Variants in EXD1 observed in about 807,000 individuals in gnomAD.
EXD1 encodes the protein piRNA biogenesis protein EXD1.
A neutral mutation model predicts 49.1 loss-of-function variants in EXD1; 63 were observed. That is an observed-to-expected ratio of 1.28 (90% CI 1.05 to 1.58). The LOEUF (loss-of-function observed/expected upper bound fraction) is 1.58, where lower values mean the gene tolerates loss of function less well. EXD1 is among the 40% of genes most tolerant of loss of function. The probability of loss-of-function intolerance (pLI) is 0.00; values close to 1 mark genes in which losing one functional copy is unlikely to be tolerated. For synonymous variants in EXD1, 234 were observed against 239.2 expected, an observed-to-expected ratio of 0.98 and a Z score of 0.20; for missense variants, 748 against 666.0, an observed-to-expected ratio of 1.12 and a Z score of -1.36.
At chr15:41,230,082 C>CTT (rs1156382525) in intron 1 of EXD1, among the ~76,000 whole-genome samples, 2,054 of 122,204 alleles carry the variant, frequency 0.017, 65 homozygotes, top group African/African-American at 0.025. Flanking sequence ...TGGCTTTTAC[C>CTT]TTTTTTTTTT....
intron 2 of EXD1, among the ~76,000 whole-genome samples, chr15:41,223,210 G>A (rs191564443): frequency 1.7e-4 from 26 of 152,170 alleles, no homozygotes; most frequent in Non-Finnish European, 3.4e-4. Context: ...CTTGAGCCCA[G>A]GAGTTCAAGA....
At chr15:41,229,506 C>T (rs1373935190) in intron 1 of EXD1, among the ~76,000 whole-genome samples, 1 of 152,144 alleles carries the variant, frequency 6.6e-6, no homozygotes. Flanking sequence ...CGGTGGCTCA[C>T]GCCTGTAATC....
At chr15:41,217,736 A>G (rs2047022657) in intron 3 of EXD1, among the ~76,000 whole-genome samples, 1 of 151,998 alleles carries the variant, frequency 6.6e-6, no homozygotes, top group South Asian at 2.1e-4. Flanking sequence ...GGGTTTCACC[A>G]TTGTGGCCAG....
At chr15:41,216,853 A>C in intron 4 of EXD1, 58 bp from the exon 5 acceptor site, 1 of 1,599,650 alleles carries the variant, frequency 6.3e-7, no homozygotes. Context: ...GACACCAAAA[A>C]CAGATTTTGC....
intron 11 of EXD1, among the ~76,000 whole-genome samples, chr15:41,187,489 C>T (rs1270995509): frequency 6.6e-6 from 1 of 152,150 alleles, no homozygotes; most frequent in Non-Finnish European, 1.5e-5. Flanking sequence ...CAATCCCCCA[C>T]AGATGCTGAG....
intron 11 of EXD1, 25 bp from the exon 12 acceptor site, chr15:41,184,618 T>C: frequency 6.5e-7 from 1 of 1,543,598 alleles, no homozygotes; most frequent in Non-Finnish European, 8.7e-7. Context: ...CGAACACAAG[T>C]TTATTATAAC....
intron 7 of EXD1, among the ~76,000 whole-genome samples, chr15:41,198,775 G>A (rs779954681): frequency 1.5e-4 from 23 of 151,490 alleles, no homozygotes; most frequent in Non-Finnish European, 2.8e-4. Context: ...GTACAATCTC[G>A]GCTCACTGAA....
chr15:41,216,971 A>G, intron 4 of EXD1, 126 bp downstream of exon 4: 1 of 1,257,018 alleles, frequency 8.0e-7, no homozygotes, highest in South Asian at 1.4e-5. Context: ...AAACACCTAT[A>G]TATTTCTTCT....
At chr15:41,192,538 G>A (rs900483593) in intron 9 of EXD1, among the ~76,000 whole-genome samples, 10 of 145,630 alleles carry the variant, frequency 6.9e-5, no homozygotes, top group Admixed American at 4.9e-4. Flanking sequence ...CTCGTGATCC[G>A]CCCGCCTTGG....
At chr15:41,202,563 T>G (rs1483784578) in intron 7 of EXD1, among the ~76,000 whole-genome samples, 1 of 151,772 alleles carries the variant, frequency 6.6e-6, no homozygotes, top group African/African-American at 2.4e-5. Context: ...TAAAACTAAC[T>G]CCTGGGGGCT....
chr15:41,202,243 C>T (rs1342560036), intron 7 of EXD1, among the ~76,000 whole-genome samples: 2 of 151,702 alleles, frequency 1.3e-5, no homozygotes, highest in African/African-American at 2.4e-5. Flanking sequence ...GGCGTGATCT[C>T]GGCTCACTGC....
intron 6 of EXD1, among the ~76,000 whole-genome samples, chr15:41,213,415 G>C (rs1344271474): frequency 6.6e-6 from 1 of 151,994 alleles, no homozygotes; most frequent in Non-Finnish European, 1.5e-5. Context: ...TGGTCGGGCT[G>C]GTCTCAAACT....
intron 7 of EXD1, among the ~76,000 whole-genome samples, chr15:41,200,120 G>C (rs142424973): frequency 1.6e-4 from 25 of 151,962 alleles, no homozygotes; most frequent in African/African-American, 5.8e-4. Context: ...ATGTTGCCCA[G>C]GTTAGTCTCC....
At chr15:41,223,912 G>A (rs1466198630) in intron 2 of EXD1, among the ~76,000 whole-genome samples, 1 of 152,038 alleles carries the variant, frequency 6.6e-6, no homozygotes, top group Non-Finnish European at 1.5e-5. Flanking sequence ...TTCTACAGAT[G>A]TGGTTTTGCT....
At position 41,195,931 on chromosome 15, in the gene EXD1, A is replaced by G. The variant is rs756703355; in HGVS notation, c.639+2T>C. On this transcript the variant is annotated splice_donor_variant, in intron 8 of 11. Transcript: ENST00000458580. LOFTEE classifies it high-confidence loss of function. ...AGCACAGGAATCAGTTTATATACTT[A>G]CCTTCAAAATTCTCTTGTCTTCTAG... 2 of 1,609,692 alleles carry G rather than the reference A, an allele frequency of 1.2e-6. No homozygotes were observed. The highest frequency in any genetic ancestry group is 1.7e-6 in the Non-Finnish European group (2 of 1,177,956).
chr15:41,199,877 CAT>C lies in EXD1; in HGVS notation c.535-3842_535-3841del, dbSNP rs560208643. On this transcript the variant is annotated intron_variant, in intron 7 of 11. Coordinates refer to ENST00000458580, the MANE Select transcript of EXD1 (RefSeq NM_001286441.2). Reference sequence around the variant, plus strand: ...TCATATATATGATCTGTATATATATCATATATATATGATATATATAATATATA... The same window carrying C: ...TCATATATATGATCTGTATATATATCATATATATGATATATATAATATATA... 2.7e-3 allele frequency among the ~76,000 whole-genome samples: 375 copies of C among 141,330 alleles called. 1 individual carries two copies. The highest frequency in any genetic ancestry group is 9.2e-3 in the African/African-American group (352 of 38,186). 92.7% of individuals were successfully genotyped at this position (141,330 alleles called of 152,430 possible).
At chr15:41,193,794 G>C (rs769217742) in intron 9 of EXD1, among the ~76,000 whole-genome samples, 7 of 151,548 alleles carry the variant, frequency 4.6e-5, no homozygotes, top group Non-Finnish European at 1.0e-4. Flanking sequence ...AGAAAATTTT[G>C]TAAGAAAAGC....
chr15:41,224,674 C>T (rs7179231), intron 2 of EXD1, among the ~76,000 whole-genome samples: 44,268 of 152,044 alleles, frequency 0.29, 9,040 homozygotes, highest in African/African-American at 0.57. Context: ...TTAAGGTTGT[C>T]CTGGCTGGGC....
At position 41,189,966 on chromosome 15, in the gene EXD1, C is replaced by G. The variant is rs2046479794; in HGVS notation, c.1027G>C (p.Gly343Arg). The G allele has an allele frequency of 6.2e-7, 1 of 1,614,032 alleles. No individual in the cohort carries two copies. Among genetic ancestry groups the G allele is most frequent in the South Asian group, 1.1e-5 (1 of 91,076 alleles). The change falls in exon 11 of 12, where the codon GGG (glycine) becomes CGG (arginine). Residue 343 changes from glycine (G) to arginine (R), a missense_variant. Coordinates refer to ENST00000458580, the MANE Select transcript of EXD1 (RefSeq NM_001286441.2). Reference sequence around the variant, plus strand: ...GTGCCTCCAAGCCGGTCTGCAGACCCTTCGCGATACGTGTTTAGGTAACCA... The same window carrying G: ...GTGCCTCCAAGCCGGTCTGCAGACCGTTCGCGATACGTGTTTAGGTAACCA... ...VDGYLNTYREGSADRLGGTEP... is the reference protein window; with the variant it reads ...VDGYLNTYRERSADRLGGTEP...
Sources: gnomAD v4.1 joint callset for allele counts (sites outside exome capture counted in the v4.1 genomes callset) on GRCh38, gnomAD v4.1.1 for gene constraint, MANE v1.5 for transcripts, NCBI Gene and HGNC (gene_info 2026-07-23, HGNC 2026-07-21) for gene names.